PLCB1: variants seen among roughly 807,000 people sequenced by gnomAD.
PLCB1 encodes 1-phosphatidylinositol 4,5-bisphosphate phosphodiesterase beta-1.
In PLCB1, 46 loss-of-function variants were observed where a neutral mutation model predicts 161.8. The ratio of observed to expected loss-of-function variants is 0.28; its 90% CI spans 0.22 to 0.36. The LOEUF is 0.36. PLCB1 is among the 10% of genes least tolerant of loss of function. The pLI, the probability that PLCB1 is intolerant of heterozygous loss-of-function variation, is 1.00. For synonymous variants in PLCB1, 517 were observed against 503.7 expected (o/e 1.03, Z -0.35); for missense variants, 1,016 against 1,472.5 (o/e 0.69, Z 5.07).
chr20:8,145,730 G>A (rs1240527904), intron 1 of PLCB1, among the ~76,000 whole-genome samples: 1 of 152,132 alleles, frequency 6.6e-6, no homozygotes, highest in Non-Finnish European at 1.5e-5. Flanking sequence ...AATATAGCGT[G>A]AGCCACACAG....
At chr20:8,305,589 T>A (rs1213331715) in intron 2 of PLCB1, 2 of 152,058 alleles carry the variant, frequency 1.3e-5, no homozygotes, top group Non-Finnish European at 2.9e-5. Context: ...GCATGATGAG[T>A]CCACTTCCTG....
chr20:8,660,733 C>G (rs1246965363), intron 9 of PLCB1, among the ~76,000 whole-genome samples: 1 of 152,038 alleles, frequency 6.6e-6, no homozygotes, highest in African/African-American at 2.4e-5. Flanking sequence ...AATTTCAAAT[C>G]GAAAGAGGCA....
rs1293584562 is a variant in PLCB1, at chr20:8,658,692, C to T, written c.850C>T (p.Leu284Phe). 6.2e-7 allele frequency: 1 copy of T among 1,603,708 alleles called. No homozygotes were observed. The change falls in exon 9 of 32, where the codon CTC (leucine) becomes TTC (phenylalanine). Residue 284 changes from leucine (L) to phenylalanine (F), a missense_variant. Coordinates refer to ENST00000338037, the MANE Select transcript of PLCB1 (RefSeq NM_015192.4). ...TGAGAAGTATGAACCCAACAACAGC[C>T]TCGCCAGAAAAGGTCAGTACTTTCT... is the stretch of plus-strand genomic sequence containing the variant. ...LIEKYEPNNSLARKGQISVDG... is the reference protein window; with the variant it reads ...LIEKYEPNNSFARKGQISVDG...
At chr20:8,635,844 A>T (rs1988747115) in intron 4 of PLCB1, among the ~76,000 whole-genome samples, 1 of 152,170 alleles carries the variant, frequency 6.6e-6, no homozygotes, top group African/African-American at 2.4e-5. Flanking sequence ...AAACTTCAGG[A>T]ATTTTCTTAG....
At chr20:8,148,224 A>G (rs967194853) in intron 1 of PLCB1, among the ~76,000 whole-genome samples, 34 of 152,230 alleles carry the variant, frequency 2.2e-4, no homozygotes, top group African/African-American at 7.2e-4. Flanking sequence ...TAGAAGTAAC[A>G]AAACAGGACT....
intron 2 of PLCB1, among the ~76,000 whole-genome samples, chr20:8,366,618 C>G (rs917031733): frequency 6.6e-6 from 1 of 152,102 alleles, no homozygotes; most frequent in African/African-American, 2.4e-5. Context: ...CACTTTTATC[C>G]ATGCTGTTAA....
At chr20:8,653,437 C>T (rs982235948) in intron 7 of PLCB1, 1 of 151,738 alleles carries the variant, frequency 6.6e-6, no homozygotes, top group Non-Finnish European at 1.5e-5. Flanking sequence ...TTAAGTATTC[C>T]GTTCATTATG....
intron 10 of PLCB1, among the ~76,000 whole-genome samples, chr20:8,696,388 G>T (rs968636672): frequency 6.6e-6 from 1 of 152,136 alleles, no homozygotes; most frequent in Non-Finnish European, 1.5e-5. Context: ...GTACCACATG[G>T]TCTTGATTAC....
intron 2 of PLCB1, among the ~76,000 whole-genome samples, chr20:8,150,766 C>G (rs2051501182): frequency 6.6e-6 from 1 of 152,124 alleles, no homozygotes; most frequent in Non-Finnish European, 1.5e-5. Flanking sequence ...GCTTTTCTTT[C>G]TCTCTCTTTT....
intron 3 of PLCB1, among the ~76,000 whole-genome samples, chr20:8,399,498 C>T (rs1373365412): frequency 6.6e-6 from 1 of 151,990 alleles, no homozygotes. Context: ...TCTATTAATG[C>T]TTACTGAAAT....
intron 2 of PLCB1, among the ~76,000 whole-genome samples, chr20:8,322,245 T>C (rs1442116112): frequency 1.3e-5 from 2 of 152,138 alleles, no homozygotes; most frequent in Non-Finnish European, 2.9e-5. Context: ...TCAGCTCTAA[T>C]TCAGTGTGTT....
At chr20:8,590,125 A>G (rs1987105242) in intron 3 of PLCB1, among the ~76,000 whole-genome samples, 1 of 152,182 alleles carries the variant, frequency 6.6e-6, no homozygotes, top group Admixed American at 6.5e-5. Flanking sequence ...AATGTAGAGA[A>G]AAGGAAGCCT....
intron 2 of PLCB1, among the ~76,000 whole-genome samples, chr20:8,264,647 G>A (rs977600766): frequency 1.7e-4 from 26 of 152,126 alleles, no homozygotes; most frequent in African/African-American, 6.0e-4. Flanking sequence ...TTTCAGCTCT[G>A]TTATAATCTT....
chr20:8,831,870 TTTTC>T (rs778367644), intron 31 of PLCB1, among the ~76,000 whole-genome samples: 6 of 149,968 alleles, frequency 4.0e-5, no homozygotes, highest in East Asian at 2.0e-4. Context: ...TGAAATTTAA[TTTTC>T]TTTCTTTCTT....
At chr20:8,174,535 A>G (rs2051763521) in intron 2 of PLCB1, among the ~76,000 whole-genome samples, 1 of 152,180 alleles carries the variant, frequency 6.6e-6, no homozygotes, top group Non-Finnish European at 1.5e-5. Flanking sequence ...AAAATAATGG[A>G]AAGAGCTGAA....
At chr20:8,317,665 C>T (rs541307051) in intron 2 of PLCB1, among the ~76,000 whole-genome samples, 104 of 152,308 alleles carry the variant, frequency 6.8e-4, no homozygotes, top group African/African-American at 2.3e-3. Flanking sequence ...TGAAGATGAG[C>T]TCAACATCCA....
intron 7 of PLCB1, among the ~76,000 whole-genome samples, chr20:8,654,153 G>C (rs1436847621): frequency 2.0e-5 from 3 of 151,898 alleles, no homozygotes; most frequent in Non-Finnish European, 4.4e-5. Context: ...CTACCACCAA[G>C]ATTGTTAAAA....
At chr20:8,213,493 C>G (rs1978944022) in intron 2 of PLCB1, among the ~76,000 whole-genome samples, 1 of 152,016 alleles carries the variant, frequency 6.6e-6, no homozygotes, top group Non-Finnish European at 1.5e-5. Flanking sequence ...GGTAGCAGAG[C>G]AAGTTAGAGT....
At chr20:8,624,046 A>G (rs1274188916) in intron 3 of PLCB1, 8 of 152,250 alleles carry the variant, frequency 5.3e-5, no homozygotes, top group Non-Finnish European at 1.2e-4. Flanking sequence ...CATTTCCTCC[A>G]CAATGAAATT....
Sources: allele counts gnomAD v4.1 joint callset (sites outside exome capture counted in the v4.1 genomes callset), GRCh38; gene constraint gnomAD v4.1.1; transcripts MANE v1.5; gene names NCBI Gene and HGNC (gene_info 2026-07-23, HGNC 2026-07-21).